DISC1: variants seen among roughly 807,000 people sequenced by gnomAD.
DISC1 encodes disrupted in schizophrenia 1 protein.
A neutral mutation model predicts 84.5 loss-of-function variants in DISC1; 57 were observed. The ratio of observed to expected loss-of-function variants is 0.67; its 90% CI spans 0.55 to 0.84. The LOEUF is 0.84. DISC1 is among the 40% of genes least tolerant of loss of function. The pLI, the probability that DISC1 is intolerant of heterozygous loss-of-function variation, is 0.00. For missense variants in DISC1, 1,000 were observed against 1,057.8 expected, an observed-to-expected ratio of 0.95 and a Z score of 0.76; for synonymous variants, 411 against 415.2, an observed-to-expected ratio of 0.99 and a Z score of 0.12.
chr1:231,666,540 A>G (rs1261004765), intron 1 of DISC1, among the ~76,000 whole-genome samples: 1 of 152,180 alleles, frequency 6.6e-6, no homozygotes, highest in Non-Finnish European at 1.5e-5. Context: ...TAAATTTATC[A>G]TTACATAGAA....
intron 1 of DISC1, among the ~76,000 whole-genome samples, chr1:231,681,096 C>T (rs12042938): frequency 0.46 from 69,702 of 152,058 alleles, 16,661 homozygotes; most frequent in East Asian, 0.82. Flanking sequence ...CTAGCAGCAC[C>T]CTTGAGGGGG....
intron 8 of DISC1, among the ~76,000 whole-genome samples, chr1:231,806,360 G>A (rs2079709215): frequency 3.9e-5 from 6 of 152,228 alleles, no homozygotes; most frequent in Admixed American, 3.9e-4. Context: ...TGCCTGTGCA[G>A]TCTCCTGACT....
chr1:231,965,710 T>G (rs1183462628), intron 10 of DISC1, among the ~76,000 whole-genome samples: 1 of 152,262 alleles, frequency 6.6e-6, no homozygotes, highest in Non-Finnish European at 1.5e-5. Flanking sequence ...AGGTGACTGA[T>G]GCTCCATTCT....
chr1:231,907,744 C>T (rs1169114844), intron 9 of DISC1, among the ~76,000 whole-genome samples: 2 of 152,186 alleles, frequency 1.3e-5, no homozygotes, highest in African/African-American at 4.8e-5. Flanking sequence ...CTTGAGGAAT[C>T]GCTACACTGT....
At chr1:231,791,274 A>G (rs1053838833) in intron 6 of DISC1, among the ~76,000 whole-genome samples, 25 of 152,236 alleles carry the variant, frequency 1.6e-4, no homozygotes, top group African/African-American at 5.8e-4. Flanking sequence ...AAATAGGTAC[A>G]CAGCTTCTGG....
chr1:231,643,697 G>C (rs926251724), intron 1 of DISC1, among the ~76,000 whole-genome samples: 1 of 152,152 alleles, frequency 6.6e-6, no homozygotes, highest in Non-Finnish European at 1.5e-5. Context: ...AATTCTCTTC[G>C]TCTGTAAGAT....
intron 1 of DISC1, among the ~76,000 whole-genome samples, chr1:231,679,997 G>A (rs1463601776): frequency 2.0e-5 from 3 of 152,152 alleles, no homozygotes; most frequent in Non-Finnish European, 4.4e-5. Context: ...GGAGGCCGAG[G>A]TGGATAGATT....
chr1:231,627,709 G>A (rs980172125), intron 1 of DISC1, among the ~76,000 whole-genome samples: 1 of 152,248 alleles, frequency 6.6e-6, no homozygotes, highest in African/African-American at 2.4e-5. Flanking sequence ...GCTGCCTTGT[G>A]TTCTTGCTGG....
intron 9 of DISC1, among the ~76,000 whole-genome samples, chr1:231,876,380 A>C (rs1459436050): frequency 6.6e-6 from 1 of 152,208 alleles, no homozygotes; most frequent in African/African-American, 2.4e-5. Context: ...AGGAGATGCC[A>C]GCCTCATGCT....
Position 232,009,649 on chromosome 1 carries a change from A to C in DISC1, c.2307+600A>C. The C allele has an allele frequency of 1.2e-6, 1 of 863,414 alleles. No homozygotes were observed. The highest frequency in any genetic ancestry group is 1.4e-6 in the Non-Finnish European group (1 of 719,054). The allele number at this position is 863,414 out of a possible 1,614,324, so 53.5% of individuals were successfully genotyped here. A position where few individuals can be genotyped will look rare whatever the true frequency, so the allele number is the denominator to read the frequency against. On this transcript the variant is annotated intron_variant, in intron 11 of 12. Transcript: ENST00000439617. The surrounding 1 kb of genome is among the most constrained non-coding windows in gnomAD (Gnocchi z 4.6). Reference sequence around the variant, plus strand: ...GTATTACAAATTAAAATATGGTTTTATTTAACTTTCTTTTTCTCTCCCCTC... The same window carrying C: ...GTATTACAAATTAAAATATGGTTTTCTTTAACTTTCTTTTTCTCTCCCCTC...
At chr1:231,701,719 A>G (rs1480879964) in intron 2 of DISC1, among the ~76,000 whole-genome samples, 1 of 152,166 alleles carries the variant, frequency 6.6e-6, no homozygotes, top group Non-Finnish European at 1.5e-5. Flanking sequence ...AAATAAAATA[A>G]CATTTTAACT....
At position 231,770,377 on chromosome 1, in the gene DISC1, C is replaced by T. The variant is rs147260765; in HGVS notation, c.1399-458C>T. Among the ~76,000 whole-genome samples the T allele has an allele frequency of 5.4e-3, 819 of 152,236 alleles. 5 individuals carry two copies. Among genetic ancestry groups the T allele is most frequent in the Admixed American group, 0.012 (181 of 15,286 alleles). On this transcript the variant is annotated intron_variant, in intron 5 of 12. Transcript: ENST00000439617. ...TCTCAGTCCTGTAGACTTAAGAAGC[C>T]ATTTTTTACCTTTCTCTGTACTCTG...
At chr1:231,747,504 GAAGAGACCTTCTTTTCCCCGA>G (rs2074125808) in intron 3 of DISC1, among the ~76,000 whole-genome samples, 2 of 152,224 alleles carry the variant, frequency 1.3e-5, no homozygotes, top group South Asian at 4.1e-4. Context: ...ACCATTTATT[GAAGAGACCTTCTTTTCCCCGA>G]TTAGTGTTTG....
At chr1:232,027,563 C>A (rs1395228604) in intron 12 of DISC1, among the ~76,000 whole-genome samples, 1 of 152,146 alleles carries the variant, frequency 6.6e-6, no homozygotes, top group Non-Finnish European at 1.5e-5. Context: ...CTGCTGAGAG[C>A]AAATGGGTGG....
At chr1:231,836,342 G>A (rs201316583) in intron 9 of DISC1, among the ~76,000 whole-genome samples, 4 of 152,166 alleles carry the variant, frequency 2.6e-5, no homozygotes, top group African/African-American at 4.8e-5. Flanking sequence ...GCAGTTTAAG[G>A]AGGGGGTTCA....
At chr1:231,956,183 A>G (rs1029520554) in intron 9 of DISC1, among the ~76,000 whole-genome samples, 2 of 152,174 alleles carry the variant, frequency 1.3e-5, no homozygotes, top group Non-Finnish European at 2.9e-5. Context: ...CCATTAGATC[A>G]TGTTTTTGTC....
At chr1:231,633,510 C>A (rs1354099921) in intron 1 of DISC1, among the ~76,000 whole-genome samples, 1 of 152,158 alleles carries the variant, frequency 6.6e-6, no homozygotes, top group African/African-American at 2.4e-5. Context: ...TGTAAATTTC[C>A]TATTCCCTGC....
chr1:231,801,046 A>C, intron 8 of DISC1, among the ~76,000 whole-genome samples: 1 of 152,328 alleles, frequency 6.6e-6, no homozygotes, highest in Admixed American at 6.5e-5. Context: ...AAAAAGTTAT[A>C]ATAATTACAT....
chr1:231,741,629 G>A (rs2073292118), intron 3 of DISC1, among the ~76,000 whole-genome samples: 1 of 152,192 alleles, frequency 6.6e-6, no homozygotes, highest in African/African-American at 2.4e-5. Flanking sequence ...TGCTTAGGGA[G>A]CTGGTGGAGC....
Sources: allele counts gnomAD v4.1 joint callset (sites outside exome capture counted in the v4.1 genomes callset), GRCh38; gene constraint gnomAD v4.1.1; non-coding constraint Gnocchi (gnomAD v3.1); transcripts MANE v1.5; gene names NCBI Gene and HGNC (gene_info 2026-07-23, HGNC 2026-07-21).